The following HIBADH variants were observed in gnomAD, a reference collection of about 807,000 sequenced individuals.
HIBADH encodes 3-hydroxyisobutyrate dehydrogenase, also known as 3-hydroxyisobutyrate dehydrogenase, mitochondrial.
A neutral mutation model predicts 36.1 loss-of-function variants in HIBADH; 25 were observed. The ratio of observed to expected loss-of-function variants is 0.69; its 90% CI spans 0.50 to 0.97. The LOEUF (loss-of-function observed/expected upper bound fraction) is 0.97, where lower values mean the gene tolerates loss of function less well. Among genes scored for constraint, HIBADH ranks in the 50% least tolerant of loss-of-function variants. The probability of loss-of-function intolerance (pLI) is 0.00; values close to 1 mark genes in which losing one functional copy is unlikely to be tolerated. For missense variants in HIBADH, 421 were observed against 418.0 expected (o/e 1.01, Z -0.06); for synonymous variants, 160 against 149.5 (o/e 1.07, Z -0.51).
At chr7:27,609,979 G>C (rs1003190209) in intron 4 of HIBADH, among the ~76,000 whole-genome samples, 14 of 151,686 alleles carry the variant, frequency 9.2e-5, no homozygotes, top group African/African-American at 3.2e-4. Context: ...ACCACACCCG[G>C]CTAATTTTTA....
intron 4 of HIBADH, among the ~76,000 whole-genome samples, chr7:27,598,047 A>G (rs1218270536): frequency 6.6e-6 from 1 of 152,186 alleles, no homozygotes. Context: ...TTTTAGCAAC[A>G]AGTTTATTTG....
At chr7:27,541,023 A>AT (rs1307408219) in intron 5 of HIBADH, among the ~76,000 whole-genome samples, 2 of 152,066 alleles carry the variant, frequency 1.3e-5, no homozygotes, top group African/African-American at 2.4e-5. Flanking sequence ...GGCAGTCCTG[A>AT]TTTTCAACCC....
chr7:27,597,049 A>G (rs1452770004), intron 4 of HIBADH, among the ~76,000 whole-genome samples: 2 of 150,232 alleles, frequency 1.3e-5, no homozygotes, highest in Non-Finnish European at 3.0e-5. Context: ...GTAGATGTAG[A>G]GAGTCTTAAT....
chr7:27,546,081 AATGT>A (rs1458515735), intron 4 of HIBADH, among the ~76,000 whole-genome samples: 1 of 152,114 alleles, frequency 6.6e-6, no homozygotes, highest in Admixed American at 6.6e-5. Flanking sequence ...TGAATATGTG[AATGT>A]ATGCTGTAAA....
At chr7:27,542,521 C>A (rs1301088144) in intron 5 of HIBADH, among the ~76,000 whole-genome samples, 1 of 136,378 alleles carries the variant, frequency 7.3e-6, no homozygotes, top group Non-Finnish European at 1.5e-5. Context: ...TCATGGCTCA[C>A]TGCAGCCTCA....
At chr7:27,575,202 T>C (rs1380308849) in intron 4 of HIBADH, among the ~76,000 whole-genome samples, 1 of 152,238 alleles carries the variant, frequency 6.6e-6, no homozygotes, top group African/African-American at 2.4e-5. Flanking sequence ...ATCTCTGGAC[T>C]TACAGTGTAG....
At chr7:27,605,433 C>T (rs1186406738) in intron 4 of HIBADH, among the ~76,000 whole-genome samples, 2 of 145,168 alleles carry the variant, frequency 1.4e-5, no homozygotes, top group African/African-American at 2.6e-5. Context: ...TTAAAAATTC[C>T]CATACAGTAA....
intron 4 of HIBADH, among the ~76,000 whole-genome samples, chr7:27,592,580 T>G (rs1784956001): frequency 6.6e-6 from 1 of 152,130 alleles, no homozygotes; most frequent in African/African-American, 2.4e-5. Flanking sequence ...GCTGACTTCT[T>G]GTAAAGCCTA....
At chr7:27,577,500 T>C (rs560821384) in intron 4 of HIBADH, among the ~76,000 whole-genome samples, 39 of 152,286 alleles carry the variant, frequency 2.6e-4, no homozygotes, top group Admixed American at 3.9e-4. Context: ...ACAAATCTTT[T>C]TAAAAGACCC....
chr7:27,629,999 A>G (rs1785719437), intron 3 of HIBADH, among the ~76,000 whole-genome samples: 1 of 152,144 alleles, frequency 6.6e-6, no homozygotes, highest in Non-Finnish European at 1.5e-5. Context: ...TTGTGTTGGG[A>G]TGGCATATTA....
intron 1 of HIBADH, among the ~76,000 whole-genome samples, chr7:27,653,231 A>C (rs777316081): frequency 6.6e-6 from 1 of 152,358 alleles, no homozygotes; most frequent in Admixed American, 6.5e-5. Flanking sequence ...CCACAGGAAA[A>C]GACAGGTATA....
At chr7:27,602,219 G>A (rs1182154726) in intron 4 of HIBADH, among the ~76,000 whole-genome samples, 2 of 151,172 alleles carry the variant, frequency 1.3e-5, no homozygotes, top group African/African-American at 2.4e-5. Context: ...ATGCTATAAG[G>A]ATGAAATGTT....
chr7:27,548,105 G>A lies in HIBADH; in HGVS notation c.485-5005C>T, dbSNP rs181292937. 1.3e-4 allele frequency among the ~76,000 whole-genome samples: 20 copies of A among 151,660 alleles called. No individual in the cohort carries two copies. The East Asian group carries it at 2.3e-3, about 18-fold the overall frequency. ...AAGTGATAGACATCTGTCACTTCTC[G>A]TGGTAGTCTGTTTTGATTTTAATAA... On this transcript the variant is annotated intron_variant, in intron 4 of 7. Coordinates refer to ENST00000265395, the MANE Select transcript of HIBADH (RefSeq NM_152740.4).
chr7:27,573,941 A>C (rs1784665486), intron 4 of HIBADH, among the ~76,000 whole-genome samples: 1 of 152,176 alleles, frequency 6.6e-6, no homozygotes, highest in Non-Finnish European at 1.5e-5. Flanking sequence ...TTCTAATGTG[A>C]CTACTAAAAA....
intron 4 of HIBADH, among the ~76,000 whole-genome samples, chr7:27,582,155 G>A (rs1375226955): frequency 6.6e-6 from 1 of 152,044 alleles, no homozygotes; most frequent in African/African-American, 2.4e-5. Context: ...TTGAAATGTT[G>A]TTGTATGCTT....
At chr7:27,654,145 G>GA (rs1786251383) in intron 1 of HIBADH, among the ~76,000 whole-genome samples, 1 of 151,778 alleles carries the variant, frequency 6.6e-6, no homozygotes, top group African/African-American at 2.4e-5. Context: ...GATACCAAAG[G>GA]AAAGATTAAT....
chr7:27,563,993 G>T (rs1290609682), intron 4 of HIBADH, among the ~76,000 whole-genome samples: 4 of 150,972 alleles, frequency 2.6e-5, no homozygotes, highest in Non-Finnish European at 5.9e-5. Flanking sequence ...CTGCCTCCCG[G>T]ATTCACGCCA....
chr7:27,530,950 A>G (rs1783988977), intron 7 of HIBADH, among the ~76,000 whole-genome samples: 4 of 151,976 alleles, frequency 2.6e-5, no homozygotes, highest in Admixed American at 1.3e-4. Context: ...ACACACACGC[A>G]CACACATACA....
chr7:27,610,300 G>A (rs1290596802), intron 4 of HIBADH, among the ~76,000 whole-genome samples: 2 of 152,018 alleles, frequency 1.3e-5, no homozygotes, highest in Non-Finnish European at 2.9e-5. Context: ...TTGGACATAT[G>A]CAAATACCCA....
Sources: gnomAD v4.1 joint callset for allele counts (sites outside exome capture counted in the v4.1 genomes callset) on GRCh38, gnomAD v4.1.1 for gene constraint, MANE v1.5 for transcripts, NCBI Gene and HGNC (gene_info 2026-07-23, HGNC 2026-07-21) for gene names.